PHPT1: variants seen among roughly 807,000 people sequenced by gnomAD.
The protein encoded by PHPT1 is 14 kDa phosphohistidine phosphatase.
PHPT1 carries 16 observed loss-of-function variants against 15.6 expected under a neutral mutation model. The ratio of observed to expected loss-of-function variants is 1.03; its 90% confidence interval spans 0.70 to 1.56. The LOEUF is 1.56. Ranked by LOEUF, PHPT1 falls within the 40% of genes most tolerant of loss-of-function variation. The pLI, the probability that PHPT1 is intolerant of heterozygous loss-of-function variation, is 0.00. For missense variants in PHPT1, 228 were observed against 171.0 expected, an observed-to-expected ratio of 1.33 and a Z score of -1.86; for synonymous variants, 102 against 68.1, an observed-to-expected ratio of 1.50 and a Z score of -2.45.
At chr9:136,849,842 C>A in intron 1 of PHPT1, 171 bp from the exon 2 acceptor site, 1 of 791,920 alleles carries the variant, frequency 1.3e-6, no homozygotes, top group East Asian at 2.5e-5. Flanking sequence ...CGCGCCCTCC[C>A]CGGTTCCACC....
chr9:136,850,624 G>A, intron 2 of PHPT1, 131 bp from the exon 3 acceptor site: 1 of 1,538,070 alleles, frequency 6.5e-7, no homozygotes, highest in Non-Finnish European at 9.0e-7. Context: ...GGGATGGTGG[G>A]TTTGGCATCC....
intron 2 of PHPT1, 105 bp from the exon 3 acceptor site, chr9:136,850,650 C>T (rs1039727843): frequency 6.7e-7 from 1 of 1,492,312 alleles, no homozygotes; most frequent in Non-Finnish European, 9.3e-7. Context: ...CACTGCCTAT[C>T]CCTTTCCCAC....
In PHPT1 at chr9:136,850,038, C is replaced by G. The variant is rs1391629375; in HGVS notation, c.186C>G (p.Gly62=). 3.7e-6 allele frequency: 6 copies of G among 1,612,758 alleles called. No individual in the cohort carries two copies. The Admixed American group carries it at 5.0e-5, about 13-fold the overall frequency. Residue 62 remains glycine (G), a synonymous_variant, in exon 2 of 3, where the codon GGC becomes GGG. Transcript: ENST00000247665. ...CGGACATCTACGACAAAGTGTCGGG[C>G]GACATGCAGAAGCAAGGCTGCGACT... ...YHADIYDKVS[G]DMQKQGCDCE...
intron 2 of PHPT1, chr9:136,850,517 G>C: frequency 6.2e-7 from 1 of 1,611,992 alleles, no homozygotes; most frequent in Admixed American, 1.7e-5. Context: ...TGAGACCCAC[G>C]TGCGTCCCTC....
intron 2 of PHPT1, 42 bp from the exon 3 acceptor site, chr9:136,850,713 G>A (rs1372180457): frequency 3.2e-6 from 5 of 1,560,378 alleles, no homozygotes; most frequent in Non-Finnish European, 3.5e-6. Context: ...GTATCGGGTT[G>A]AAGGGTCCAG....
chr9:136,850,036 G>A lies in PHPT1; in HGVS notation c.184G>A (p.Gly62Ser). Residue 62 changes from glycine to serine, a missense_variant, in exon 2 of 3, where the codon GGC becomes AGC. Gly to Ser is a moderately conservative substitution (Grantham distance 56). Coordinates refer to ENST00000247665, the MANE Select transcript of PHPT1 (RefSeq NM_014172.6). ...AGCGGACATCTACGACAAAGTGTCGGGCGACATGCAGAAGCAAGGCTGCGA... is the reference window on the plus strand; with the variant it reads ...AGCGGACATCTACGACAAAGTGTCGAGCGACATGCAGAAGCAAGGCTGCGA... ...YHADIYDKVS[G>S]DMQKQGCDCE... The A allele has an allele frequency of 2.5e-6, 4 of 1,612,926 alleles. No homozygotes were observed. The highest frequency in any genetic ancestry group is 3.4e-6 in the Non-Finnish European group (4 of 1,179,820).
chr9:136,849,538 G>A lies in PHPT1; in HGVS notation c.108G>A (p.Pro36=), dbSNP rs1848849099. 1 of 1,610,970 alleles carries A rather than the reference G, an allele frequency of 6.2e-7. No homozygotes were observed. Among genetic ancestry groups the A allele is most frequent in the African/African-American group, 1.3e-5 (1 of 74,864 alleles). The change falls in exon 1 of 3, where the codon CCG becomes CCA. Residue 36 remains proline, a synonymous_variant. Transcript: ENST00000247665. ...RVHSAPRSGA[P]AAESKEIVRG... ...ACTCGGCTCCCCGCTCCGGGGCTCC[G>A]GCTGCAGAGAGCAAGGAGATCGTGC...
intron 2 of PHPT1, 110 bp downstream of exon 2, chr9:136,850,247 G>C (rs771360442): frequency 1.4e-5 from 21 of 1,467,120 alleles, no homozygotes; most frequent in Non-Finnish European, 1.9e-5. Flanking sequence ...AGGCTTCCTG[G>C]GGTTCTCCCA....
chr9:136,850,777 C>T lies in PHPT1; in HGVS notation c.308C>T (p.Ala103Val). The change falls in exon 3 of 3, where the codon GCC becomes GTC. Residue 103 changes from alanine to valine, a missense_variant. Physicochemically the swap from Ala to Val is moderately conservative, Grantham distance 64. Coordinates refer to ENST00000247665, the MANE Select transcript of PHPT1 (RefSeq NM_014172.6). ...CAGGCCTATGGTCCTGCCCAGCACG[C>T]CATTTCAACTGAGAAAATCAAAGCC... ...YSMAYGPAQHAISTEKIKAKY... is the reference protein window; with the variant it reads ...YSMAYGPAQHVISTEKIKAKY... 2 of 1,613,194 alleles carry T rather than the reference C, an allele frequency of 1.2e-6. No individual in the cohort carries two copies. The highest frequency in any genetic ancestry group is 1.7e-6 in the Non-Finnish European group (2 of 1,179,888).
chr9:136,849,811 C>A (rs1162942568), intron 1 of PHPT1: 4 of 709,482 alleles, frequency 5.6e-6, no homozygotes, highest in Non-Finnish European at 9.2e-6. Flanking sequence ...CTGACACCCT[C>A]CCCAGCAGTC....
At chr9:136,850,216 C>G in intron 2 of PHPT1, 79 bp downstream of exon 2, 1 of 1,586,188 alleles carries the variant, frequency 6.3e-7, no homozygotes, top group East Asian at 2.3e-5. Context: ...TGCCCTGACC[C>G]GTGGCCCCAG....
chr9:136,850,527 C>T (rs760450905), intron 2 of PHPT1: 8 of 1,612,102 alleles, frequency 5.0e-6, no homozygotes, highest in South Asian at 2.2e-5. Context: ...GTGCGTCCCT[C>T]TGGGCGCCTC....
rs749487592 is a variant in PHPT1 at position 136,850,994 on chromosome 9, C to T, written c.*147C>T. The T allele has an allele frequency of 4.4e-5, 34 of 771,868 alleles. No individual in the cohort carries two copies. In the African/African-American group the frequency reaches 5.1e-4, roughly 12 times the overall value. 47.8% of individuals were successfully genotyped at this position (771,868 alleles called of 1,614,324 possible). On this transcript the variant is annotated 3_prime_UTR_variant, in exon 3 of 3. Transcript: ENST00000247665. ...CACCAGGCCTTGGAGACAGGCTAGC[C>T]TGGCCACAGAATTAAACGTGTTGCC...
At position 136,849,830 on chromosome 9, in the gene PHPT1, C is replaced by T. The variant is rs142721573; in HGVS notation, c.161-183C>T. ...CACCCTCCCCAGCAGTCTCCCAGTT[C>T]CCGCGCCCTCCCCGGTTCCACCCTC... On this transcript the variant is annotated intron_variant, in intron 1 of 2. Transcript: ENST00000247665. 1.3e-3 allele frequency: 952 copies of T among 744,458 alleles called. 11 individuals are homozygous for T. In the African/African-American group the frequency reaches 0.015, roughly 12 times the overall value. 46.1% of individuals were successfully genotyped at this position (744,458 alleles called of 1,614,324 possible). A position where few individuals can be genotyped will look rare whatever the true frequency, so the allele number is the denominator to read the frequency against.
chr9:136,849,674 G>T, intron 1 of PHPT1, 84 bp downstream of exon 1: 1 of 954,876 alleles, frequency 1.0e-6, no homozygotes, highest in East Asian at 3.3e-5. Context: ...GGGCTGACGA[G>T]GCAGGGGCGG....
intron 2 of PHPT1, 95 bp from the exon 3 acceptor site, chr9:136,850,660 C>T (rs1032054768): frequency 2.0e-6 from 3 of 1,494,340 alleles, no homozygotes; most frequent in Non-Finnish European, 2.8e-6. Flanking sequence ...CCCTTTCCCA[C>T]ACTCGCTTCT....
Position 136,850,766 on chromosome 9 carries a change from T to C in PHPT1, c.297T>C (p.Pro99=). 1 of 1,613,120 alleles carries C rather than the reference T, an allele frequency of 6.2e-7. No homozygotes were observed. Among genetic ancestry groups the C allele is most frequent in the Non-Finnish European group, 8.5e-7 (1 of 1,179,828 alleles). Reference sequence around the variant, plus strand: ...CTTCTCTTCTCCAGGCCTATGGTCCTGCCCAGCACGCCATTTCAACTGAGA... The same window carrying C: ...CTTCTCTTCTCCAGGCCTATGGTCCCGCCCAGCACGCCATTTCAACTGAGA... ...HVYGYSMAYG[P]AQHAISTEKI... is the part of the protein sequence containing the mutation. Residue 99 remains proline (P), a synonymous_variant, in exon 3 of 3, where the codon CCT becomes CCC. Coordinates refer to ENST00000247665, the MANE Select transcript of PHPT1 (RefSeq NM_014172.6).
chr9:136,850,403 C>G, intron 2 of PHPT1: 1 of 1,116,614 alleles, frequency 9.0e-7, no homozygotes, highest in South Asian at 1.4e-5. Flanking sequence ...TTGCTGGGCT[C>G]TAGCTGTCCT....
At chr9:136,850,695 A>G in intron 2 of PHPT1, 60 bp from the exon 3 acceptor site, 1 of 1,511,484 alleles carries the variant, frequency 6.6e-7, no homozygotes, top group Middle Eastern at 1.7e-4. Context: ...CTGGATGCCC[A>G]GAGCCGGGTA....
Sources: allele counts gnomAD v4.1 joint callset, GRCh38; gene constraint gnomAD v4.1.1; transcripts MANE v1.5; gene names NCBI Gene and HGNC (gene_info 2026-07-23, HGNC 2026-07-21).